The following ZFR variants were observed in gnomAD, a reference collection of about 807,000 sequenced individuals.
ZFR encodes zinc finger RNA-binding protein.
In ZFR, 19 loss-of-function variants were observed where a neutral mutation model predicts 130.7. That is an observed-to-expected ratio of 0.15 (90% CI 0.10 to 0.21). The LOEUF is 0.21. Among genes scored for constraint, ZFR ranks in the 10% least tolerant of loss-of-function variants. The pLI is 1.00. For synonymous variants in ZFR, 466 were observed against 456.9 expected (o/e 1.02, Z -0.25); for missense variants, 872 against 1,321.5 (o/e 0.66, Z 5.27).
At chr5:32,358,645 T>A (rs1044127757) in intron 19 of ZFR, among the ~76,000 whole-genome samples, 10 of 150,668 alleles carry the variant, frequency 6.6e-5, no homozygotes, top group Admixed American at 2.0e-4. Context: ...AAAAAAAAAA[T>A]TTAAATCAAT....
intron 2 of ZFR, among the ~76,000 whole-genome samples, chr5:32,429,591 T>C (rs1754157094): frequency 6.6e-6 from 1 of 152,192 alleles, no homozygotes; most frequent in Non-Finnish European, 1.5e-5. Flanking sequence ...TTATCTGAAA[T>C]GCATGGGACC....
Position 32,355,741 on chromosome 5 carries a change from G to T in ZFR, c.*19C>A. 6.5e-7 allele frequency: 1 copy of T among 1,545,462 alleles called. No individual in the cohort carries two copies. The highest frequency in any genetic ancestry group is 8.7e-7 in the Non-Finnish European group (1 of 1,149,342). On this transcript the variant is annotated 3_prime_UTR_variant, in exon 20 of 20. Coordinates refer to ENST00000265069, the MANE Select transcript of ZFR (RefSeq NM_016107.5). ...AATGGGCATCTGTTTTTTTAACACT[G>T]AAGATTTACAGACACTTTTTAAAAG...
intron 17 of ZFR, among the ~76,000 whole-genome samples, chr5:32,377,155 G>GAA (rs771800535): frequency 5.0e-3 from 22 of 4,366 alleles, no homozygotes; most frequent in African/African-American, 0.018. Context: ...GACTCCATCT[G>GAA]AAAAAAAAAA....
rs1446788019 is a variant in ZFR, at chr5:32,390,285, T to C, written c.2132A>G (p.Gln711Arg). The change falls in exon 12 of 20, where the codon CAG becomes CGG. Residue 711 changes from glutamine (Q) to arginine (R), a missense_variant. Transcript: ENST00000265069. ...AACGTGGACACTCACTGCAGGCCCC[T>C]GAGGCTGAGGAGGCATGCCTGGTCG... ...GVRPGMPPQP[Q>R]GPAPLRRPDS... The C allele has an allele frequency of 1.2e-6, 2 of 1,613,420 alleles. No individual in the cohort carries two copies. The highest frequency in any genetic ancestry group is 1.3e-5 in the African/African-American group (1 of 75,058).
intron 15 of ZFR, chr5:32,383,846 T>C (rs991864747): frequency 1.5e-5 from 7 of 456,128 alleles, no homozygotes; most frequent in Admixed American, 1.2e-4. Context: ...AGGAACACTA[T>C]CAGTGTTTCT....
intron 1 of ZFR, 68 bp from the exon 2 acceptor site, chr5:32,444,396 G>C (rs1056087803): frequency 4.7e-6 from 7 of 1,486,448 alleles, no homozygotes; most frequent in African/African-American, 1.4e-5. Flanking sequence ...AGACGCCGAG[G>C]GAGGGCAGGG....
chr5:32,426,904 G>GGAA (rs1554074424), intron 2 of ZFR, among the ~76,000 whole-genome samples: 3 of 132,986 alleles, frequency 2.3e-5, no homozygotes, highest in East Asian at 2.2e-4. Context: ...CACTCTTTCT[G>GGAA]AAAAAAAAAA....
Position 32,438,382 on chromosome 5 carries a change from G to T in ZFR, c.137+5847C>A, listed in dbSNP as rs556359088. ...GGATTCAAGCTATTCTCCTGCCTCA[G>T]CCTCCCGAGTAGCTGGGATTACAGG... On this transcript the variant is annotated intron_variant, in intron 2 of 19. Coordinates refer to ENST00000265069, the MANE Select transcript of ZFR (RefSeq NM_016107.5). Among the ~76,000 whole-genome samples, 12 of 149,564 alleles carry T rather than the reference G, an allele frequency of 8.0e-5. No individual in the cohort carries two copies. The East Asian group carries it at 2.2e-3, about 27-fold the overall frequency.
Position 32,385,389 on chromosome 5 carries a change from A to C in ZFR, c.2641+119T>G, listed in dbSNP as rs1022034432. Reference sequence around the variant, plus strand: ...CAAAACCGGTTGCTAAATAAGTCAAATCTATCAAATTCACGTGTAATGCCA... The same window carrying C: ...CAAAACCGGTTGCTAAATAAGTCAACTCTATCAAATTCACGTGTAATGCCA... On this transcript the variant is annotated intron_variant, in intron 15 of 19. Transcript: ENST00000265069. 3 of 1,233,586 alleles carry C rather than the reference A, an allele frequency of 2.4e-6. No homozygotes were observed. In the African/African-American group the frequency reaches 4.6e-5, roughly 19 times the overall value. The allele number at this position is 1,233,586 out of a possible 1,614,324, so 76.4% of individuals were successfully genotyped here.
intron 18 of ZFR, 27 bp from the exon 19 acceptor site, chr5:32,364,072 AATT>A: frequency 6.2e-7 from 1 of 1,608,464 alleles, no homozygotes; most frequent in Non-Finnish European, 8.5e-7. Flanking sequence ...AGGGAGAGGA[AATT>A]ATTAGCATTG....
intron 10 of ZFR, among the ~76,000 whole-genome samples, chr5:32,396,212 C>CAA (rs1468587633): frequency 1.6e-5 from 2 of 128,884 alleles, no homozygotes; most frequent in Middle Eastern, 3.9e-3. Flanking sequence ...GGCCCTATCT[C>CAA]AAAAAAAAAA....
chr5:32,418,538 T>C (rs1047927980), intron 3 of ZFR, among the ~76,000 whole-genome samples: 5 of 151,898 alleles, frequency 3.3e-5, no homozygotes, highest in African/African-American at 1.2e-4. Context: ...TAAAGAGGGG[T>C]AGAAAGGTAT....
intron 2 of ZFR, among the ~76,000 whole-genome samples, chr5:32,443,305 T>C (rs901318158): frequency 2.0e-5 from 3 of 152,252 alleles, no homozygotes; most frequent in Admixed American, 1.3e-4. Flanking sequence ...GTAAGATGTA[T>C]AATGAACTAC....
intron 8 of ZFR, among the ~76,000 whole-genome samples, chr5:32,402,523 T>A (rs928881813): frequency 6.6e-6 from 1 of 151,438 alleles, no homozygotes; most frequent in East Asian, 1.9e-4. Context: ...CCAAGCACTT[T>A]GGAAGTTGAG....
rs1753503485 is a variant in ZFR, at chr5:32,403,086, C to G, written c.1516+20G>C. 6.2e-7 allele frequency: 1 copy of G among 1,607,518 alleles called. No individual in the cohort carries two copies. The highest frequency in any genetic ancestry group is 8.5e-7 in the Non-Finnish European group (1 of 1,176,076). The stretch of plus-strand genomic sequence containing the variant: ...AACACTTTGACAGAGTCAGCAGGGA[C>G]AGAGAATATCAGTACTTGCCAACAA... On this transcript the variant is annotated intron_variant, in intron 8 of 19. Transcript: ENST00000265069.
chr5:32,383,644 T>C (rs947777408), intron 15 of ZFR: 2 of 370,978 alleles, frequency 5.4e-6, no homozygotes, highest in African/African-American at 4.2e-5. Context: ...TGATTTACAA[T>C]TGTTCTTCCG....
Position 32,444,324 on chromosome 5 carries a change from G to A in ZFR, c.42C>T (p.Pro14=). The A allele has an allele frequency of 6.5e-7, 1 of 1,538,580 alleles. No individual in the cohort carries two copies. Among genetic ancestry groups the A allele is most frequent in the Non-Finnish European group, 8.8e-7 (1 of 1,141,376 alleles). Residue 14 remains proline (P), a synonymous_variant, in exon 2 of 20, where the codon CCC becomes CCT. Transcript: ENST00000265069. The stretch of plus-strand genomic sequence containing the variant: ...TTTTGGCATCTTCCCCCAGCCGGCT[G>A]GGCACTGCGGCGGGCACGAAGAGTC... ...ICPVVSFTYV[P]SRLGEDAKMA... is the part of the protein sequence containing the mutation.
At chr5:32,404,487 G>A (rs1373630397) in intron 6 of ZFR, among the ~76,000 whole-genome samples, 1 of 152,106 alleles carries the variant, frequency 6.6e-6, no homozygotes, top group East Asian at 1.9e-4. Flanking sequence ...TATACCATTA[G>A]AAGAAAGAAA....
chr5:32,415,087 G>A lies in ZFR; in HGVS notation c.666C>T (p.Thr222=). The A allele has an allele frequency of 1.2e-6, 2 of 1,614,102 alleles. No individual in the cohort carries two copies. Among genetic ancestry groups the A allele is most frequent in the South Asian group, 1.1e-5 (1 of 91,068 alleles). The change falls in exon 5 of 20, where the codon ACC becomes ACT. Residue 222 remains threonine, a synonymous_variant. Coordinates refer to ENST00000265069, the MANE Select transcript of ZFR (RefSeq NM_016107.5). ...AIKPATPSPA[T]TTFSIYPVSS... is the part of the protein sequence containing the mutation. ...ATACAGGATAGATGGAGAAAGTAGT[G>A]GTAGCTGGACTTGGTGTGGCTGGTT... is the stretch of plus-strand genomic sequence containing the variant.
Sources: gnomAD v4.1 joint callset for allele counts (sites outside exome capture counted in the v4.1 genomes callset) on GRCh38, gnomAD v4.1.1 for gene constraint, MANE v1.5 for transcripts, NCBI Gene and HGNC (gene_info 2026-07-23, HGNC 2026-07-21) for gene names.